MROH7: variants seen among roughly 807,000 people sequenced by gnomAD.
The protein encoded by MROH7 is maestro heat like repeat family member 7, also known as maestro heat-like repeat-containing protein family member 7.
A neutral mutation model predicts 129.2 loss-of-function variants in MROH7; 113 were observed. The ratio of observed to expected loss-of-function variants is 0.87; its 90% CI spans 0.75 to 1.02. MROH7 has a LOEUF of 1.02. MROH7 is among the 50% of genes least tolerant of loss of function. The pLI, the probability that MROH7 is intolerant of heterozygous loss-of-function variation, is 0.00. For missense variants in MROH7, 1,601 were observed against 1,671.3 expected, an observed-to-expected ratio of 0.96 and a Z score of 0.73; for synonymous variants, 655 against 667.9, an observed-to-expected ratio of 0.98 and a Z score of 0.30.
chr1:54,668,020 G>C (rs1409753957), intron 4 of MROH7, among the ~76,000 whole-genome samples: 1 of 152,228 alleles, frequency 6.6e-6, no homozygotes, highest in Non-Finnish European at 1.5e-5. Flanking sequence ...CCACAGTATA[G>C]ACTGAGATCA....
intron 3 of MROH7, chr1:54,663,698 AAAAC>A: frequency 4.0e-5 from 15 of 378,338 alleles, no homozygotes; most frequent in East Asian, 1.7e-4. Flanking sequence ...AAAAAAAAAA[AAAAC>A]AAAAAAAAAA....
intron 8 of MROH7, 121 bp from the exon 9 acceptor site, chr1:54,673,580 T>C: frequency 1.4e-6 from 1 of 714,766 alleles, no homozygotes; most frequent in Non-Finnish European, 2.5e-6. Flanking sequence ...GGAGGAGGGC[T>C]GTGGTGACCT....
chr1:54,643,208 G>A (rs1322126766), intron 1 of MROH7, among the ~76,000 whole-genome samples: 2 of 152,190 alleles, frequency 1.3e-5, no homozygotes, highest in South Asian at 4.1e-4. Context: ...GGGATTCCAG[G>A]AAGACTTCCT....
chr1:54,666,427 T>A (rs1644816058), intron 4 of MROH7, among the ~76,000 whole-genome samples: 1 of 19,816 alleles, frequency 5.0e-5, no homozygotes, highest in Non-Finnish European at 1.5e-4. Context: ...GAAGAGGAAT[T>A]TTTTTTTTTT....
intron 15 of MROH7, among the ~76,000 whole-genome samples, chr1:54,691,317 T>A (rs1027389367): frequency 2.0e-5 from 3 of 152,154 alleles, no homozygotes; most frequent in African/African-American, 7.2e-5. Flanking sequence ...AACATGAAAA[T>A]GAAGGGCAAA....
At chr1:54,663,958 A>G (rs533591316) in intron 3 of MROH7, 49 of 330,544 alleles carry the variant, frequency 1.5e-4, no homozygotes, top group Non-Finnish European at 2.5e-4. Flanking sequence ...CCAGGTTTTC[A>G]TAGGCCCCAG....
At chr1:54,686,138 G>C in intron 14 of MROH7, 120 bp from the exon 15 acceptor site, 1 of 842,940 alleles carries the variant, frequency 1.2e-6, no homozygotes, top group Non-Finnish European at 1.8e-6. Flanking sequence ...GCTTCCCCAG[G>C]CTGGGCCAGA....
chr1:54,659,078 GT>G (rs765860258), intron 3 of MROH7: 5 of 432,588 alleles, frequency 1.2e-5, no homozygotes, highest in Middle Eastern at 7.3e-4. Context: ...ACTGTGTGTG[GT>G]TTTTTTGTTT....
chr1:54,697,492 G>A (rs576523945), intron 17 of MROH7: 4 of 516,314 alleles, frequency 7.7e-6, no homozygotes, highest in South Asian at 3.1e-5. Flanking sequence ...CCTTGGGGTC[G>A]GGAGTCCTGG....
At chr1:54,650,185 G>C (rs1230812986) in intron 1 of MROH7, among the ~76,000 whole-genome samples, 2 of 152,212 alleles carry the variant, frequency 1.3e-5, no homozygotes, top group African/African-American at 4.8e-5. Flanking sequence ...AATCACCCCT[G>C]TGGAAGGCTT....
rs796285251 is a variant in MROH7 at position 54,663,702 on chromosome 1, C to CA, written c.1232-1455dup. The CA allele has an allele frequency of 8.3e-3, 1,552 of 186,172 alleles. 2 individuals carry two copies. The highest frequency in any genetic ancestry group is 0.014 in the South Asian group (375 of 26,304). The allele number at this position is 186,172 out of a possible 1,614,324, so 11.5% of individuals were successfully genotyped here. On this transcript the variant is annotated intron_variant, in intron 3 of 23. Coordinates refer to ENST00000421030, the MANE Select transcript of MROH7 (RefSeq NM_001039464.4). ...ATCAGCTCTAAAAAAAAAAAAAAAA[C>CA]AAAAAAAAAACAAGCTTTTGTGTCC...
chr1:54,705,229 A>G (rs1645513421), intron 21 of MROH7, among the ~76,000 whole-genome samples: 1 of 152,200 alleles, frequency 6.6e-6, no homozygotes, highest in South Asian at 2.1e-4. Flanking sequence ...CAGGCCATCA[A>G]GAGCTTTGCT....
At chr1:54,685,794 A>G (rs1302628200) in intron 14 of MROH7, among the ~76,000 whole-genome samples, 2 of 151,958 alleles carry the variant, frequency 1.3e-5, no homozygotes, top group Non-Finnish European at 1.5e-5. Flanking sequence ...TGCCCCTTAC[A>G]TTCTGTGTGC....
At chr1:54,680,226 C>T (rs142568778) in intron 13 of MROH7, among the ~76,000 whole-genome samples, 181 bp downstream of exon 13, 84 of 152,220 alleles carry the variant, frequency 5.5e-4, no homozygotes, top group African/African-American at 2.0e-3. Flanking sequence ...CTGTCAGCGC[C>T]GAGCATTACA....
At chr1:54,667,790 G>T (rs1644835702) in intron 4 of MROH7, among the ~76,000 whole-genome samples, 1 of 151,196 alleles carries the variant, frequency 6.6e-6, no homozygotes, top group Admixed American at 6.6e-5. Flanking sequence ...AAAAAAATCA[G>T]CTGGGCATGG....
chr1:54,680,376 G>C (rs1207308054), intron 13 of MROH7, among the ~76,000 whole-genome samples: 2 of 152,188 alleles, frequency 1.3e-5, no homozygotes. Flanking sequence ...CCAGCCCAGA[G>C]CTCTTTAACA....
intron 1 of MROH7, among the ~76,000 whole-genome samples, chr1:54,642,427 A>G (rs1053056114): frequency 1.3e-5 from 2 of 152,148 alleles, no homozygotes; most frequent in Non-Finnish European, 2.9e-5. Flanking sequence ...CCTTGTTTTC[A>G]CTGAACTTTT....
At chr1:54,678,720 T>G in intron 10 of MROH7, 22 bp from the exon 11 acceptor site, 1 of 1,563,346 alleles carries the variant, frequency 6.4e-7, no homozygotes. Flanking sequence ...CCGGCCTCAC[T>G]GAGAAGGTTC....
At chr1:54,684,343 C>T (rs1158899223) in intron 14 of MROH7, among the ~76,000 whole-genome samples, 1 of 152,332 alleles carries the variant, frequency 6.6e-6, no homozygotes, top group Non-Finnish European at 1.5e-5. Context: ...CTTCCAAATC[C>T]TGCGCTTCAC....
Sources: gnomAD v4.1 joint callset for allele counts (sites outside exome capture counted in the v4.1 genomes callset) on GRCh38, gnomAD v4.1.1 for gene constraint, MANE v1.5 for transcripts, NCBI Gene and HGNC (gene_info 2026-07-23, HGNC 2026-07-21) for gene names.